The following MLLT10 variants were observed in gnomAD, a reference collection of about 807,000 sequenced individuals.
MLLT10 encodes the protein MLLT10 histone lysine methyltransferase DOT1L cofactor.
A neutral mutation model predicts 129.1 loss-of-function variants in MLLT10; 30 were observed. That is an observed-to-expected ratio of 0.23 (90% CI 0.17 to 0.32). The LOEUF (loss-of-function observed/expected upper bound fraction) is 0.32, where lower values mean the gene tolerates loss of function less well. MLLT10 is among the 10% of genes least tolerant of loss of function. MLLT10 has a pLI of 1.00. For synonymous variants in MLLT10, 490 were observed against 446.4 expected, an observed-to-expected ratio of 1.10 and a Z score of -1.23; for missense variants, 1,119 against 1,268.3, an observed-to-expected ratio of 0.88 and a Z score of 1.79.
intron 13 of MLLT10, among the ~76,000 whole-genome samples, chr10:21,695,452 A>T (rs1333205095): frequency 6.6e-6 from 1 of 152,184 alleles, no homozygotes; most frequent in East Asian, 1.9e-4. Flanking sequence ...AGCAAACACC[A>T]ACCTGTCTTT....
chr10:21,550,646 C>T (rs1021888030), intron 3 of MLLT10, among the ~76,000 whole-genome samples: 2 of 152,126 alleles, frequency 1.3e-5, no homozygotes, highest in African/African-American at 4.8e-5. Context: ...ATTCACCTTC[C>T]TTAGCCTTAT....
intron 8 of MLLT10, among the ~76,000 whole-genome samples, chr10:21,647,356 C>G (rs2048598997): frequency 6.6e-6 from 1 of 152,094 alleles, no homozygotes; most frequent in Admixed American, 6.6e-5. Context: ...GTTTCTAACT[C>G]TTGTTTTAAA....
At chr10:21,644,899 A>G (rs1232796250) in intron 8 of MLLT10, among the ~76,000 whole-genome samples, 1 of 152,136 alleles carries the variant, frequency 6.6e-6, no homozygotes, top group Non-Finnish European at 1.5e-5. Flanking sequence ...CCAAAGCACT[A>G]GAATTACAGG....
chr10:21,555,606 C>G (rs1337471266), intron 3 of MLLT10, among the ~76,000 whole-genome samples: 1 of 152,010 alleles, frequency 6.6e-6, no homozygotes, highest in Admixed American at 6.6e-5. Context: ...ACTGTTTTGG[C>G]CTGTCTTTCG....
rs1441665908 is a variant in MLLT10, at chr10:21,538,846, T to C, written c.174T>C (p.Ile58=). Residue 58 remains isoleucine (I), a synonymous_variant, in exon 3 of 23, where the codon ATT becomes ATC. Coordinates refer to ENST00000307729, the MANE Select transcript of MLLT10 (RefSeq NM_001195626.3). ...SVAVHQACYG[I]VQVPTGPWFC... ...ATTTTTCAACAGCTTGCTATGGCAT[T>C]GTTCAAGTACCCACTGGACCGTGGT... 2 of 1,612,550 alleles carry C rather than the reference T, an allele frequency of 1.2e-6. No individual in the cohort carries two copies. The highest frequency in any genetic ancestry group is 1.7e-6 in the Non-Finnish European group (2 of 1,179,016).
intron 13 of MLLT10, among the ~76,000 whole-genome samples, chr10:21,685,362 TCTC>T (rs1300948628): frequency 6.6e-6 from 1 of 152,056 alleles, no homozygotes; most frequent in African/African-American, 2.4e-5. Flanking sequence ...TGAGATGGAG[TCTC>T]ACTCTGTTGC....
intron 9 of MLLT10, among the ~76,000 whole-genome samples, chr10:21,658,754 T>C (rs2049867445): frequency 6.6e-6 from 1 of 152,088 alleles, no homozygotes; most frequent in Admixed American, 6.6e-5. Context: ...AGCCTCTGCC[T>C]CTTGGGTTAA....
At chr10:21,580,814 G>A (rs1432046096) in intron 3 of MLLT10, among the ~76,000 whole-genome samples, 2 of 149,036 alleles carry the variant, frequency 1.3e-5, no homozygotes, top group Non-Finnish European at 3.0e-5. Flanking sequence ...GAATTCTCCT[G>A]CCCCAGCCTC....
Position 21,547,590 on chromosome 10 carries a change from G to A in MLLT10, c.240+8678G>A, listed in dbSNP as rs145798560. Among the ~76,000 whole-genome samples the A allele has an allele frequency of 6.0e-5, 9 of 150,034 alleles. No individual in the cohort carries two copies. In the East Asian group the frequency reaches 1.4e-3, roughly 23 times the overall value. On this transcript the variant is annotated intron_variant, in intron 3 of 22. Transcript: ENST00000307729. The stretch of plus-strand genomic sequence containing the variant: ...GGCTGGAGTGCAGTAGTGTGATCTC[G>A]GCTCACTGCAACCTCCGCCTTTCAT...
chr10:21,554,812 TTTTC>T (rs1301444448), intron 3 of MLLT10, among the ~76,000 whole-genome samples: 12 of 151,342 alleles, frequency 7.9e-5, no homozygotes, highest in Middle Eastern at 3.4e-3. Context: ...CTTTGTTTGT[TTTTC>T]TTTCTTTCTT....
chr10:21,646,377 A>G (rs766077347), intron 8 of MLLT10, among the ~76,000 whole-genome samples: 2 of 152,098 alleles, frequency 1.3e-5, no homozygotes, highest in African/African-American at 2.4e-5. Context: ...TTATTATTAT[A>G]AACGTTTCTC....
chr10:21,565,453 G>A lies in MLLT10; in HGVS notation c.241-20841G>A, dbSNP rs1171728159. On this transcript the variant is annotated intron_variant, in intron 3 of 22. Coordinates refer to ENST00000307729, the MANE Select transcript of MLLT10 (RefSeq NM_001195626.3). ...CTCTCGAGTAGCTGGGATTACAGGC[G>A]CCCGCCACCATGCCTGGTTAATTTT... Among the ~76,000 whole-genome samples, 11 of 151,970 alleles carry A rather than the reference G, an allele frequency of 7.2e-5. No individual in the cohort carries two copies. In the East Asian group the frequency reaches 1.5e-3, roughly 21 times the overall value.
intron 10 of MLLT10, among the ~76,000 whole-genome samples, chr10:21,671,469 T>A (rs2051396888): frequency 6.6e-6 from 1 of 152,114 alleles, no homozygotes; most frequent in South Asian, 2.1e-4. Flanking sequence ...TGGTAAGACC[T>A]CATCTCTACA....
intron 13 of MLLT10, among the ~76,000 whole-genome samples, chr10:21,690,084 G>C (rs2053711163): frequency 6.6e-6 from 1 of 151,998 alleles, no homozygotes; most frequent in Non-Finnish European, 1.5e-5. Context: ...CCACTTAGGG[G>C]GTAGTAACTG....
chr10:21,642,870 G>A (rs1239885288), intron 8 of MLLT10, among the ~76,000 whole-genome samples: 1 of 152,006 alleles, frequency 6.6e-6, no homozygotes, highest in Non-Finnish European at 1.5e-5. Flanking sequence ...TCAGGACTTT[G>A]TCAGCAAGAA....
At chr10:21,613,761 C>CG (rs2044916183) in intron 6 of MLLT10, among the ~76,000 whole-genome samples, 1 of 151,872 alleles carries the variant, frequency 6.6e-6, no homozygotes, top group Non-Finnish European at 1.5e-5. Context: ...AGAAATTAGC[C>CG]GGGCATGGTG....
At chr10:21,646,522 A>G (rs145270381) in intron 8 of MLLT10, among the ~76,000 whole-genome samples, 164 of 151,164 alleles carry the variant, frequency 1.1e-3, no homozygotes, top group African/African-American at 3.5e-3. Flanking sequence ...GGGGGGGTAG[A>G]TAAGAGTCTA....
At chr10:21,549,149 A>T (rs1237874142) in intron 3 of MLLT10, among the ~76,000 whole-genome samples, 2 of 122,016 alleles carry the variant, frequency 1.6e-5, no homozygotes, top group Non-Finnish European at 1.7e-5. Context: ...TTTAGACTTG[A>T]GTCTTGCTCT....
rs1196022712 is a variant in MLLT10 at position 21,622,343 on chromosome 10, A to T, written c.699+5136A>T. On this transcript the variant is annotated intron_variant, in intron 8 of 22. Coordinates refer to ENST00000307729, the MANE Select transcript of MLLT10 (RefSeq NM_001195626.3). ...GGCCAATTTTTTTTTTTTTTTTTTT[A>T]AATTTGTAGAGACGAGGTCTCCCTA... 4.7e-3 allele frequency among the ~76,000 whole-genome samples: 651 copies of T among 137,112 alleles called. 5 individuals carry two copies. The highest frequency in any genetic ancestry group is 0.014 in the African/African-American group (527 of 36,792). The allele number at this position is 137,112 out of a possible 152,430, so 90.0% of individuals were successfully genotyped here.
Sources: gnomAD v4.1 joint callset for allele counts (sites outside exome capture counted in the v4.1 genomes callset) on GRCh38, gnomAD v4.1.1 for gene constraint, MANE v1.5 for transcripts, NCBI Gene and HGNC (gene_info 2026-07-23, HGNC 2026-07-21) for gene names.